Variants in CSMD3 observed in about 807,000 individuals in gnomAD.
CSMD3 encodes the protein CUB and Sushi multiple domains 3, also known as CUB and sushi domain-containing protein 3.
A neutral mutation model predicts 435.2 loss-of-function variants in CSMD3; 177 were observed. That is an observed-to-expected ratio of 0.41 (90% CI 0.36 to 0.46). The LOEUF is 0.46. CSMD3 is among the 20% of genes least tolerant of loss of function. CSMD3 has a pLI of 0.34. For synonymous variants in CSMD3, 1,656 were observed against 1,520.5 expected (o/e 1.09, Z -2.07); for missense variants, 4,265 against 4,504.6 (o/e 0.95, Z 1.52).
At chr8:112,783,681 T>C (rs2078460612) in intron 13 of CSMD3, among the ~76,000 whole-genome samples, 2 of 152,044 alleles carry the variant, frequency 1.3e-5, no homozygotes, top group Admixed American at 1.3e-4. Context: ...CCTAAATATC[T>C]GCTGCCTAGA....
At chr8:113,051,578 A>T (rs2088096033) in intron 5 of CSMD3, among the ~76,000 whole-genome samples, 1 of 152,178 alleles carries the variant, frequency 6.6e-6, no homozygotes, top group African/African-American at 2.4e-5. Context: ...ATATACAAAC[A>T]GATATTTGTT....
chr8:112,388,955 G>C (rs968682831), intron 36 of CSMD3, among the ~76,000 whole-genome samples: 1 of 152,082 alleles, frequency 6.6e-6, no homozygotes, highest in Non-Finnish European at 1.5e-5. Flanking sequence ...AGGAGCTACA[G>C]ATGTAGAAGA....
chr8:112,344,987 C>T (rs576372029), intron 41 of CSMD3, among the ~76,000 whole-genome samples: 1 of 151,984 alleles, frequency 6.6e-6, no homozygotes, highest in Non-Finnish European at 1.5e-5. Flanking sequence ...AAACAATGCA[C>T]ATAAAATTTA....
At chr8:112,658,088 A>G (rs188521510) in intron 17 of CSMD3, among the ~76,000 whole-genome samples, 2 of 152,322 alleles carry the variant, frequency 1.3e-5, no homozygotes, top group Non-Finnish European at 2.9e-5. Flanking sequence ...AGTATCCAAC[A>G]TAATTGGATG....
chr8:112,373,513 TA>T (rs974847958), intron 38 of CSMD3, among the ~76,000 whole-genome samples: 8 of 145,946 alleles, frequency 5.5e-5, no homozygotes, highest in South Asian at 2.2e-4. Flanking sequence ...ATTAGGTATT[TA>T]AAAAAAAATC....
At chr8:112,918,776 T>G (rs1165761146) in intron 10 of CSMD3, among the ~76,000 whole-genome samples, 1 of 151,968 alleles carries the variant, frequency 6.6e-6, no homozygotes, top group Non-Finnish European at 1.5e-5. Flanking sequence ...GCTGTCTGTG[T>G]GAACTTTTAA....
chr8:113,181,198 T>A (rs376035354), intron 3 of CSMD3, among the ~76,000 whole-genome samples: 1 of 151,978 alleles, frequency 6.6e-6, no homozygotes, highest in East Asian at 1.9e-4. Flanking sequence ...GATTAAAATG[T>A]ATTATAAGCA....
At chr8:112,668,150 T>C (rs1420128340) in intron 16 of CSMD3, among the ~76,000 whole-genome samples, 1 of 152,162 alleles carries the variant, frequency 6.6e-6, no homozygotes, top group East Asian at 1.9e-4. Flanking sequence ...TAATTTTGTT[T>C]CCTAAAAAGC....
chr8:113,174,419 G>T (rs374180516), intron 3 of CSMD3, among the ~76,000 whole-genome samples: 3 of 152,018 alleles, frequency 2.0e-5, no homozygotes, highest in East Asian at 3.9e-4. Context: ...TAAAGTTAGG[G>T]ACGGTGAGCT....
At chr8:113,103,927 G>A (rs909279779) in intron 4 of CSMD3, among the ~76,000 whole-genome samples, 1 of 151,988 alleles carries the variant, frequency 6.6e-6, no homozygotes, top group African/African-American at 2.4e-5. Context: ...CAGTTATTTA[G>A]ATATTGTAAA....
At chr8:112,419,795 C>T (rs558670089) in intron 32 of CSMD3, among the ~76,000 whole-genome samples, 2 of 152,270 alleles carry the variant, frequency 1.3e-5, no homozygotes, top group South Asian at 4.1e-4. Flanking sequence ...ATCTATTCCA[C>T]TGCAAGCCAG....
intron 22 of CSMD3, among the ~76,000 whole-genome samples, chr8:112,628,781 A>G (rs915951842): frequency 2.6e-5 from 4 of 152,314 alleles, no homozygotes; most frequent in African/African-American, 7.2e-5. Flanking sequence ...AACTCATAGG[A>G]AAGACATCTA....
At chr8:112,388,293 A>C (rs1223384395) in intron 36 of CSMD3, among the ~76,000 whole-genome samples, 1 of 152,174 alleles carries the variant, frequency 6.6e-6, no homozygotes, top group Non-Finnish European at 1.5e-5. Context: ...AGATACAAGA[A>C]AATGATAGTA....
At chr8:112,543,864 A>T (rs187403432) in intron 27 of CSMD3, among the ~76,000 whole-genome samples, 21 of 152,314 alleles carry the variant, frequency 1.4e-4, no homozygotes, top group Non-Finnish European at 1.3e-4. Flanking sequence ...AATATGGGAA[A>T]GACACACAGT....
chr8:112,990,378 G>A (rs1476925511), intron 6 of CSMD3, among the ~76,000 whole-genome samples: 4 of 151,838 alleles, frequency 2.6e-5, no homozygotes, highest in South Asian at 2.1e-4. Flanking sequence ...ATAATGAAGC[G>A]TTCTGTTTTA....
chr8:113,081,033 T>G (rs1400899818), intron 5 of CSMD3, among the ~76,000 whole-genome samples: 3 of 152,166 alleles, frequency 2.0e-5, no homozygotes, highest in Non-Finnish European at 2.9e-5. Flanking sequence ...ATTTTAATTT[T>G]ATATTGTTCT....
intron 29 of CSMD3, 92 bp downstream of exon 29, chr8:112,506,599 A>G: frequency 1.6e-6 from 2 of 1,243,044 alleles, no homozygotes; most frequent in African/African-American, 1.5e-5. Flanking sequence ...AATGCTATAT[A>G]CAGAAATAGG....
chr8:112,282,119 C>G (rs1159156471), intron 58 of CSMD3, among the ~76,000 whole-genome samples: 2 of 152,002 alleles, frequency 1.3e-5, no homozygotes, highest in East Asian at 3.9e-4. Flanking sequence ...TAGTACCTTA[C>G]AGAAGTGAAG....
chr8:113,197,050 T>G (rs539750142), intron 3 of CSMD3, among the ~76,000 whole-genome samples: 1 of 151,158 alleles, frequency 6.6e-6, no homozygotes, highest in East Asian at 1.9e-4. Flanking sequence ...GTACAGGACA[T>G]AAAAAGTGTT....
Sources: allele counts gnomAD v4.1 joint callset (sites outside exome capture counted in the v4.1 genomes callset), GRCh38; gene constraint gnomAD v4.1.1; transcripts MANE v1.5; gene names NCBI Gene and HGNC (gene_info 2026-07-23, HGNC 2026-07-21).